NR3C1: variants seen among roughly 807,000 people sequenced by gnomAD.
NR3C1 encodes nuclear receptor subfamily 3 group C member 1.
In NR3C1, 14 loss-of-function variants were observed where a neutral mutation model predicts 74.0. The ratio of observed to expected loss-of-function variants is 0.19; its 90% confidence interval spans 0.12 to 0.30. The LOEUF (loss-of-function observed/expected upper bound fraction) is 0.30. Among genes scored for constraint, NR3C1 ranks in the 10% least tolerant of loss-of-function variants. The pLI, the probability that NR3C1 is intolerant of heterozygous loss-of-function variation, is 1.00. For synonymous variants in NR3C1, 308 were observed against 332.5 expected (o/e 0.93, Z 0.80); for missense variants, 695 against 909.8 (o/e 0.76, Z 3.04).
chr5:143,395,717 T>C (rs1839063831), intron 2 of NR3C1, among the ~76,000 whole-genome samples: 1 of 151,892 alleles, frequency 6.6e-6, no homozygotes, highest in East Asian at 1.9e-4. Flanking sequence ...CCTCAGACCT[T>C]GTCTAAGCTT....
intron 2 of NR3C1, among the ~76,000 whole-genome samples, chr5:143,315,843 A>C (rs1599878008): frequency 6.6e-6 from 1 of 152,340 alleles, no homozygotes; most frequent in South Asian, 2.1e-4. Flanking sequence ...CAGTAAATCC[A>C]AACGATCGCC....
intron 2 of NR3C1, among the ~76,000 whole-genome samples, chr5:143,359,772 G>A (rs1269339446): frequency 6.6e-6 from 1 of 152,052 alleles, no homozygotes; most frequent in Admixed American, 6.5e-5. Flanking sequence ...ACAAAAATTA[G>A]CTGGGCATGG....
At chr5:143,384,896 C>T (rs1215027719) in intron 2 of NR3C1, among the ~76,000 whole-genome samples, 1 of 152,222 alleles carries the variant, frequency 6.6e-6, no homozygotes, top group Admixed American at 6.5e-5. Flanking sequence ...TGTGTGGGGG[C>T]TCTAACCCCA....
intron 2 of NR3C1, among the ~76,000 whole-genome samples, chr5:143,380,067 T>C (rs1370318958): frequency 1.3e-5 from 2 of 152,208 alleles, no homozygotes; most frequent in Non-Finnish European, 2.9e-5. Flanking sequence ...CCCAGTATGT[T>C]TGTTATAGAG....
At chr5:143,383,899 CCT>C (rs752219705) in intron 2 of NR3C1, among the ~76,000 whole-genome samples, 8 of 152,166 alleles carry the variant, frequency 5.3e-5, no homozygotes, top group Non-Finnish European at 8.8e-5. Context: ...TACACATACC[CCT>C]GACTCAGGAA....
At chr5:143,434,631 C>G in exon 1 of NR3C1, 1 of 985,370 alleles carries the variant, frequency 1.0e-6, no homozygotes. Context: ...CAACTAAAGC[C>G]CGAGGAGGGT....
At chr5:143,295,219 T>C (rs1816912033) in intron 7 of NR3C1, 1 of 985,254 alleles carries the variant, frequency 1.0e-6, no homozygotes. Flanking sequence ...CAGATTCTTA[T>C]CAACAGAGAT....
intron 6 of NR3C1, among the ~76,000 whole-genome samples, chr5:143,297,355 T>C (rs192513907): frequency 2.6e-5 from 4 of 152,334 alleles, no homozygotes; most frequent in Non-Finnish European, 4.4e-5. Flanking sequence ...TGGTGTTTCA[T>C]ACAAATCTGT....
At chr5:143,349,859 G>A (rs1042136308) in intron 2 of NR3C1, among the ~76,000 whole-genome samples, 2 of 152,126 alleles carry the variant, frequency 1.3e-5, no homozygotes, top group African/African-American at 4.8e-5. Flanking sequence ...TAGGATAGGG[G>A]ACACACCTGG....
At chr5:143,383,379 G>C (rs1836597707) in intron 2 of NR3C1, among the ~76,000 whole-genome samples, 1 of 152,208 alleles carries the variant, frequency 6.6e-6, no homozygotes, top group Admixed American at 6.5e-5. Context: ...TACCTAAATT[G>C]AGTACCTTAA....
At chr5:143,311,487 A>C (rs746087460) in intron 3 of NR3C1, among the ~76,000 whole-genome samples, 1 of 152,168 alleles carries the variant, frequency 6.6e-6, no homozygotes, top group Non-Finnish European at 1.5e-5. Context: ...ATAAGTTAAA[A>C]ATAGCCCTTT....
intron 1 of NR3C1, among the ~76,000 whole-genome samples, chr5:143,409,726 A>T (rs1256036204): frequency 2.0e-5 from 3 of 152,220 alleles, no homozygotes; most frequent in Non-Finnish European, 4.4e-5. Flanking sequence ...TATTATAAAC[A>T]ATTCACACTA....
chr5:143,290,861 C>T (rs1562714705), intron 7 of NR3C1, among the ~76,000 whole-genome samples: 1 of 151,956 alleles, frequency 6.6e-6, no homozygotes. Flanking sequence ...TACACCTGGC[C>T]CCATCTCTAT....
Position 143,398,356 on chromosome 5 carries a change from G to GTT in NR3C1, c.1184+1298_1184+1299dup, listed in dbSNP as rs35241746. 4.7e-3 allele frequency among the ~76,000 whole-genome samples: 397 copies of GTT among 85,232 alleles called. 4 individuals are homozygous for GTT. Among genetic ancestry groups the GTT allele is most frequent in the Middle Eastern group, 0.013 (1 of 76 alleles). 55.9% of individuals were successfully genotyped at this position (85,232 alleles called of 152,430 possible). A position where few individuals can be genotyped will look rare whatever the true frequency, so the allele number is the denominator to read the frequency against. The stretch of plus-strand genomic sequence containing the variant: ...GACATGTAAGAACCAAGGTTTTTTG[G>GTT]TTTTTTTTTTTTTTTTTTTGACAAC... On this transcript the variant is annotated intron_variant, in intron 2 of 8. Transcript: ENST00000394464.
rs1410556818 is a variant in NR3C1, at chr5:143,278,759, A to G, written c.*3130T>C. The stretch of plus-strand genomic sequence containing the variant: ...GGGTTTTTAAAAGGGAACTAAAATT[A>G]TGAGACTTAGGTGAAACTGGAATTG... On this transcript the variant is annotated 3_prime_UTR_variant, in exon 9 of 9. Coordinates refer to ENST00000394464, the MANE Select transcript of NR3C1 (RefSeq NM_000176.3). 6.6e-6 allele frequency: 1 copy of G among 152,142 alleles called. No individual in the cohort carries two copies. Among genetic ancestry groups the G allele is most frequent in the Non-Finnish European group, 1.5e-5 (1 of 68,030 alleles). 9.4% of individuals were successfully genotyped at this position (152,142 alleles called of 1,614,324 possible). A position where few individuals can be genotyped will look rare whatever the true frequency, so the allele number is the denominator to read the frequency against.
In NR3C1 at chr5:143,310,227, A is replaced by G. The variant is rs1820593548; in HGVS notation, c.1352-14T>C. ...AATTGTGCTGTCCTATATGGAATAA[A>G]AGGCACTATTAAAGTTTCACAGGTC... On this transcript the variant is annotated splice_polypyrimidine_tract_variant and intron_variant, in intron 3 of 8. Coordinates refer to ENST00000394464, the MANE Select transcript of NR3C1 (RefSeq NM_000176.3). 1 of 1,563,282 alleles carries G rather than the reference A, an allele frequency of 6.4e-7. No homozygotes were observed. Among genetic ancestry groups the G allele is most frequent in the Admixed American group, 1.7e-5 (1 of 59,958 alleles).
chr5:143,310,908 G>A (rs1053644561), intron 3 of NR3C1, among the ~76,000 whole-genome samples: 2 of 152,046 alleles, frequency 1.3e-5, no homozygotes, highest in African/African-American at 4.8e-5. Flanking sequence ...CACCCGCCTC[G>A]GCCTCCCGAT....
chr5:143,283,386 TCTC>T (rs997320894), intron 7 of NR3C1, among the ~76,000 whole-genome samples: 18 of 152,212 alleles, frequency 1.2e-4, no homozygotes, highest in Admixed American at 4.6e-4. Flanking sequence ...TGATACACCT[TCTC>T]CTCCTTAGCT....
rs185420231 is a variant in NR3C1 at position 143,311,828 on chromosome 5, G to A, written c.1352-1615C>T. 2.6e-4 allele frequency among the ~76,000 whole-genome samples: 36 copies of A among 137,014 alleles called. 1 individual carries two copies. The East Asian group carries it at 7.4e-3, about 28-fold the overall frequency. The allele number at this position is 137,014 out of a possible 152,430, so 89.9% of individuals were successfully genotyped here. ...TTTTTTCCTGTAGAGACGGGGTCTCGTTATGTTGCTCAGGCTGGTCTCAAA... is the reference window on the plus strand; with the variant it reads ...TTTTTTCCTGTAGAGACGGGGTCTCATTATGTTGCTCAGGCTGGTCTCAAA... On this transcript the variant is annotated intron_variant, in intron 3 of 8. Coordinates refer to ENST00000394464, the MANE Select transcript of NR3C1 (RefSeq NM_000176.3).
Sources: gnomAD v4.1 joint callset for allele counts (sites outside exome capture counted in the v4.1 genomes callset) on GRCh38, gnomAD v4.1.1 for gene constraint, MANE v1.5 for transcripts, NCBI Gene and HGNC (gene_info 2026-07-23, HGNC 2026-07-21) for gene names.